The following FOXP2 variants were observed in gnomAD, a reference collection of about 807,000 sequenced individuals.
The protein encoded by FOXP2 is forkhead box protein P2.
Under a neutral mutation model 115.8 loss-of-function variants are expected in FOXP2, and 12 were observed. The ratio of observed to expected loss-of-function variants is 0.10; its 90% CI spans 0.07 to 0.17. The LOEUF (loss-of-function observed/expected upper bound fraction) is 0.17. Among genes scored for constraint, FOXP2 ranks in the 10% least tolerant of loss-of-function variants. The probability of loss-of-function intolerance (pLI) is 1.00; values close to 1 mark genes in which losing one functional copy is unlikely to be tolerated. For missense variants in FOXP2, 629 were observed against 843.5 expected (o/e 0.75, Z 3.15); for synonymous variants, 328 against 297.7 (o/e 1.10, Z -1.05).
At chr7:114,359,835 A>G (rs1467149520) in intron 2 of FOXP2, among the ~76,000 whole-genome samples, 2 of 152,188 alleles carry the variant, frequency 1.3e-5, no homozygotes, top group African/African-American at 4.8e-5. Flanking sequence ...TTACAGGCTC[A>G]TAGGTGGAAG....
At chr7:114,235,178 C>T (rs1046284312) in intron 1 of FOXP2, among the ~76,000 whole-genome samples, 1 of 151,842 alleles carries the variant, frequency 6.6e-6, no homozygotes, top group African/African-American at 2.4e-5. Context: ...TGAATAAATG[C>T]TCCCTTTCTT....
At chr7:114,559,048 C>T (rs1411051278) in intron 3 of FOXP2, among the ~76,000 whole-genome samples, 6 of 151,336 alleles carry the variant, frequency 4.0e-5, no homozygotes, top group East Asian at 3.9e-4. Flanking sequence ...TTTTCAAAAA[C>T]GCTTAAACTC....
intron 2 of FOXP2, among the ~76,000 whole-genome samples, chr7:114,442,352 T>C (rs957343884): frequency 2.6e-5 from 4 of 151,912 alleles, no homozygotes; most frequent in Non-Finnish European, 4.4e-5. Context: ...AGAGGGATTT[T>C]TTTTTTTTTT....
chr7:114,628,662 T>C lies in FOXP2; in HGVS notation c.381T>C (p.Ala127=), dbSNP rs1234721501. 8.1e-6 allele frequency: 13 copies of C among 1,614,072 alleles called. No individual in the cohort carries two copies. The highest frequency in any genetic ancestry group is 1.1e-5 in the Non-Finnish European group (13 of 1,179,978). The part of the protein sequence containing the change: ...QLQALLQQQQ[A]VMLQQQQLQE... Reference sequence around the variant, plus strand: ...AAGCCCTTCTCCAACAACAGCAGGCTGTCATGCTGCAGCAGGTAATGTGGG... The same window carrying C: ...AAGCCCTTCTCCAACAACAGCAGGCCGTCATGCTGCAGCAGGTAATGTGGG... The change falls in exon 4 of 17, where the codon GCT becomes GCC. Residue 127 remains alanine (A), a synonymous_variant. Transcript: ENST00000350908.
chr7:114,228,045 G>A (rs1286333401), intron 1 of FOXP2, among the ~76,000 whole-genome samples: 2 of 151,900 alleles, frequency 1.3e-5, no homozygotes, highest in African/African-American at 4.8e-5. Flanking sequence ...TTCTTATAAT[G>A]CTTCTTAGTT....
At position 114,427,088 on chromosome 7, in the gene FOXP2, A is replaced by C. The variant is rs144060179; in HGVS notation, c.168+409A>C. 6.4e-3 allele frequency among the ~76,000 whole-genome samples: 977 copies of C among 151,850 alleles called. 10 individuals are homozygous for C. Among genetic ancestry groups the C allele is most frequent in the African/African-American group, 0.023 (935 of 41,502 alleles). The stretch of plus-strand genomic sequence containing the variant: ...TCTGAGCTAAGGTGAAAAGGACCAC[A>C]AGGACTTTTCAAAAGACAGATGCTT... On this transcript the variant is annotated intron_variant, in intron 2 of 16. Transcript: ENST00000350908.
At chr7:114,401,760 A>C (rs950683663) in intron 2 of FOXP2, among the ~76,000 whole-genome samples, 2 of 152,214 alleles carry the variant, frequency 1.3e-5, no homozygotes, top group African/African-American at 4.8e-5. Context: ...ATCAAATGCT[A>C]TGTATAGTAT....
chr7:114,213,564 G>T (rs1463327982), intron 1 of FOXP2, among the ~76,000 whole-genome samples: 1 of 151,972 alleles, frequency 6.6e-6, no homozygotes, highest in Non-Finnish European at 1.5e-5. Context: ...TTATCTCACA[G>T]CTTCATATCT....
chr7:114,162,015 T>C (rs1026300572), upstream of FOXP2, among the ~76,000 whole-genome samples: 5 of 152,146 alleles, frequency 3.3e-5, no homozygotes, highest in Non-Finnish European at 5.9e-5. Flanking sequence ...ACCCCTGAGC[T>C]CAAGTGATCT....
chr7:114,605,370 C>T (rs1018729005), intron 3 of FOXP2, among the ~76,000 whole-genome samples: 1 of 151,906 alleles, frequency 6.6e-6, no homozygotes, highest in Non-Finnish European at 1.5e-5. Context: ...AGTTGTTAAC[C>T]CTAATAACCT....
intron 8 of FOXP2, chr7:114,645,483 T>C (rs142677485): frequency 3.0e-4 from 46 of 152,164 alleles, no homozygotes; most frequent in African/African-American, 1.0e-3. Context: ...AGGGGTTCTT[T>C]TTCAAGTGAA....
At chr7:114,616,160 T>C (rs1803939223) in intron 3 of FOXP2, among the ~76,000 whole-genome samples, 1 of 148,840 alleles carries the variant, frequency 6.7e-6, no homozygotes, top group South Asian at 2.1e-4. Context: ...ATGTTTTTTG[T>C]TGTCGTTTTT....
At chr7:114,458,827 C>A (rs983504214) in intron 2 of FOXP2, among the ~76,000 whole-genome samples, 2 of 152,120 alleles carry the variant, frequency 1.3e-5, no homozygotes, top group Non-Finnish European at 2.9e-5. Flanking sequence ...CTATTTAATG[C>A]TTCCTAAAAA....
At chr7:114,132,358 T>C (rs1416000785) in intron 1 of FOXP2, among the ~76,000 whole-genome samples, 1 of 152,132 alleles carries the variant, frequency 6.6e-6, no homozygotes, top group Non-Finnish European at 1.5e-5. Context: ...TAGTCTTTCA[T>C]TCATGTGTTT....
At chr7:114,635,898 T>G (rs1345896252) in intron 6 of FOXP2, among the ~76,000 whole-genome samples, 1 of 152,180 alleles carries the variant, frequency 6.6e-6, no homozygotes, top group African/African-American at 2.4e-5. Flanking sequence ...CTATAAAAAA[T>G]GATAGTACTA....
intron 2 of FOXP2, among the ~76,000 whole-genome samples, chr7:114,442,671 C>T (rs780701930): frequency 2.6e-5 from 4 of 152,060 alleles, no homozygotes; most frequent in African/African-American, 4.8e-5. Context: ...TGAGGTTGGC[C>T]TCAAACTCCT....
intron 2 of FOXP2, among the ~76,000 whole-genome samples, chr7:114,500,042 C>T (rs1797495864): frequency 6.6e-6 from 1 of 151,734 alleles, no homozygotes; most frequent in Admixed American, 6.6e-5. Context: ...GGTGAAACCC[C>T]GTCTCCACTA....
chr7:114,149,769 C>T (rs1792481542), intron 1 of FOXP2, among the ~76,000 whole-genome samples: 1 of 151,998 alleles, frequency 6.6e-6, no homozygotes, highest in Non-Finnish European at 1.5e-5. Context: ...TAAAATATAG[C>T]AGTGTCATGG....
At chr7:114,311,584 C>T (rs1797148096) in intron 2 of FOXP2, among the ~76,000 whole-genome samples, 1 of 152,128 alleles carries the variant, frequency 6.6e-6, no homozygotes, top group South Asian at 2.1e-4. Context: ...GGTGCGTTTT[C>T]CTTCTGCAGG....
Sources: allele counts gnomAD v4.1 joint callset (sites outside exome capture counted in the v4.1 genomes callset), GRCh38; gene constraint gnomAD v4.1.1; transcripts MANE v1.5; gene names NCBI Gene and HGNC (gene_info 2026-07-23, HGNC 2026-07-21).